The following ITPR1 variants were observed in gnomAD, a reference collection of about 807,000 sequenced individuals.
ITPR1 encodes inositol 1,4,5-trisphosphate-gated calcium channel ITPR1.
A neutral mutation model predicts 318.4 loss-of-function variants in ITPR1; 96 were observed. The ratio of observed to expected loss-of-function variants is 0.30; its 90% confidence interval spans 0.26 to 0.36. The LOEUF is 0.36. Ranked by LOEUF, ITPR1 falls within the 10% of genes least tolerant of loss-of-function variation. ITPR1 has a pLI of 1.00. For synonymous variants in ITPR1, 1,312 were observed against 1,289.9 expected (o/e 1.02, Z -0.37); for missense variants, 2,440 against 3,460.2 (o/e 0.71, Z 7.40).
At chr3:4,691,805 T>G (rs1187844055) in intron 32 of ITPR1, among the ~76,000 whole-genome samples, 1 of 152,234 alleles carries the variant, frequency 6.6e-6, no homozygotes, top group African/African-American at 2.4e-5. Flanking sequence ...TGAATTCACT[T>G]TGATTTACAA....
At chr3:4,548,019 A>G (rs1340580694) in intron 4 of ITPR1, among the ~76,000 whole-genome samples, 3 of 152,182 alleles carry the variant, frequency 2.0e-5, no homozygotes, top group African/African-American at 7.2e-5. Flanking sequence ...CTCATGTTGA[A>G]TTTAATAATC....
At position 4,665,281 on chromosome 3, in the gene ITPR1, C is replaced by A; in HGVS notation, c.1698C>A (p.Asp566Glu). The change falls in exon 17 of 62, where the codon GAC becomes GAA. Residue 566 changes from aspartate (D) to glutamate (E), a missense_variant. This residue lies in a region of ITPR1 where 478 missense variants were observed against 696.3 expected (regional missense o/e 0.69). Coordinates refer to ENST00000649015, the MANE Select transcript of ITPR1 (RefSeq NM_001378452.1). ...GGGTGCTGAGACACTCGCAGCAAGA[C>A]TACAGGAAGAACCAGGTTTGGATTA... ...CYRVLRHSQQ[D>E]YRKNQEYIAK... is the part of the protein sequence containing the mutation. The A allele has an allele frequency of 6.2e-7, 1 of 1,611,382 alleles. No homozygotes were observed. The highest frequency in any genetic ancestry group is 8.5e-7 in the Non-Finnish European group (1 of 1,177,776).
chr3:4,653,918 T>C, intron 12 of ITPR1, 32 bp downstream of exon 12: 1 of 1,522,484 alleles, frequency 6.6e-7, no homozygotes, highest in East Asian at 2.3e-5. Flanking sequence ...CTTGTCTTCA[T>C]CTGGTAGGGT....
In ITPR1 at chr3:4,813,171, C is replaced by G; in HGVS notation, c.7498C>G (p.Leu2500Val). The change falls in exon 57 of 62, where the codon CTG (leucine) becomes GTG (valine). Residue 2500 changes from leucine (L) to valine (V), a missense_variant. Around this residue, in one of 23 missense-constraint regions of ITPR1, gnomAD observed 88 missense variants for 90.5 expected, o/e 0.97. Transcript: ENST00000649015. ...ETGESLASEF[L>V]FSDVCRVESG... ...CGGCGAGAGTTTGGCAAGCGAGTTCCTGTTCTCCGATGTGTGTAGGGTGGA... is the reference window on the plus strand; with the variant it reads ...CGGCGAGAGTTTGGCAAGCGAGTTCGTGTTCTCCGATGTGTGTAGGGTGGA... The G allele has an allele frequency of 6.2e-7, 1 of 1,614,022 alleles. No individual in the cohort carries two copies. Among genetic ancestry groups the G allele is most frequent in the Non-Finnish European group, 8.5e-7 (1 of 1,179,898 alleles).
intron 40 of ITPR1, among the ~76,000 whole-genome samples, chr3:4,720,648 A>G (rs2042081809): frequency 6.6e-6 from 1 of 152,190 alleles, no homozygotes; most frequent in Non-Finnish European, 1.5e-5. Context: ...GGTGCCAGCT[A>G]GCAACTTTGC....
intron 4 of ITPR1, among the ~76,000 whole-genome samples, chr3:4,559,155 G>C (rs1229174668): frequency 1.8e-5 from 2 of 113,838 alleles, no homozygotes; most frequent in Non-Finnish European, 3.6e-5. Context: ...GTGCCCACCT[G>C]AAAAAGTTGT....
rs568824497 is a variant in ITPR1, at chr3:4,734,705, T to C, written c.5354-459T>C. On this transcript the variant is annotated intron_variant, in intron 43 of 61. Coordinates refer to ENST00000649015, the MANE Select transcript of ITPR1 (RefSeq NM_001378452.1). ...GTTGAATGAATAAACAGATAAATTA[T>C]GTAAAAGAGTAAGTTGGGGGTTAGA... 6.6e-5 allele frequency among the ~76,000 whole-genome samples: 10 copies of C among 152,226 alleles called. No individual in the cohort carries two copies. In the South Asian group the frequency reaches 1.4e-3, roughly 22 times the overall value.
intron 4 of ITPR1, among the ~76,000 whole-genome samples, chr3:4,622,649 G>A (rs1382077356): frequency 1.3e-5 from 2 of 152,078 alleles, no homozygotes; most frequent in East Asian, 1.9e-4. Context: ...TCTTGACCTC[G>A]TGATCCTCCT....
intron 5 of ITPR1, among the ~76,000 whole-genome samples, chr3:4,633,267 T>C (rs1391201131): frequency 6.6e-6 from 1 of 152,182 alleles, no homozygotes; most frequent in African/African-American, 2.4e-5. Flanking sequence ...TGTGCTTCAC[T>C]TTCTGCAGTT....
chr3:4,670,671 C>CTAGA lies in ITPR1; in HGVS notation c.2007-56_2007-53dup, dbSNP rs1363250561. On this transcript the variant is annotated intron_variant, in intron 19 of 61. Coordinates refer to ENST00000649015, the MANE Select transcript of ITPR1 (RefSeq NM_001378452.1). Reference sequence around the variant, plus strand: ...ATGTGTCTTTATGCTGAAAGTAAAGCTAGATCTCAAAGTATTTTTAAAAAT... The same window carrying CTAGA: ...ATGTGTCTTTATGCTGAAAGTAAAGCTAGATAGATCTCAAAGTATTTTTAAAAAT... 8 of 1,232,480 alleles carry CTAGA rather than the reference C, an allele frequency of 6.5e-6. No homozygotes were observed. In the Admixed American group the frequency reaches 7.9e-5, roughly 12 times the overall value. The allele number at this position is 1,232,480 out of a possible 1,614,324, so 76.3% of individuals were successfully genotyped here.
chr3:4,534,422 A>G (rs1436604335), intron 4 of ITPR1, among the ~76,000 whole-genome samples: 1 of 152,160 alleles, frequency 6.6e-6, no homozygotes, highest in East Asian at 1.9e-4. Flanking sequence ...ACAGGAGGCA[A>G]AAATTGTGCT....
intron 10 of ITPR1, among the ~76,000 whole-genome samples, chr3:4,650,798 G>A (rs1199014126): frequency 6.6e-6 from 1 of 151,974 alleles, no homozygotes; most frequent in Non-Finnish European, 1.5e-5. Flanking sequence ...ACATGTGCTG[G>A]GTCATTTGAT....
intron 60 of ITPR1, among the ~76,000 whole-genome samples, chr3:4,825,260 G>C (rs576512473): frequency 1.1e-3 from 174 of 152,188 alleles, no homozygotes; most frequent in African/African-American, 3.9e-3. Context: ...TAGTTCACTT[G>C]ACCTCTTCAG....
chr3:4,681,526 GT>G, intron 26 of ITPR1, 108 bp downstream of exon 26: 2 of 783,730 alleles, frequency 2.6e-6, no homozygotes, highest in Non-Finnish European at 2.2e-6. Flanking sequence ...GGCTTAGGTT[GT>G]TTTGGTGCTA....
rs80341823 is a variant in ITPR1, at chr3:4,562,752, G to A, written c.163+41658G>A. On this transcript the variant is annotated intron_variant, in intron 4 of 61. Transcript: ENST00000649015. ...ATTAAAAAAAAAAAAAATCAAGTGC[G>A]TGCAGTGCACTGTGCACCATGCTAA... Among the ~76,000 whole-genome samples, 866 of 150,816 alleles carry A rather than the reference G, an allele frequency of 5.7e-3. 2 individuals carry two copies. The highest frequency in any genetic ancestry group is 0.02 in the African/African-American group (810 of 40,994).
chr3:4,668,086 T>C (rs1044422908), intron 18 of ITPR1, among the ~76,000 whole-genome samples: 6 of 152,166 alleles, frequency 3.9e-5, no homozygotes, highest in Non-Finnish European at 8.8e-5. Context: ...TTCTATTCTT[T>C]TAGTTATTTT....
intron 41 of ITPR1, 123 bp downstream of exon 41, chr3:4,725,704 A>C (rs1175051458): frequency 1.2e-6 from 1 of 812,510 alleles, no homozygotes; most frequent in East Asian, 2.6e-5. Context: ...TGTAGGAGGG[A>C]GGTCTCTAGG....
intron 3 of ITPR1, among the ~76,000 whole-genome samples, chr3:4,519,522 G>A (rs560273240): frequency 2.0e-5 from 3 of 152,284 alleles, no homozygotes; most frequent in South Asian, 4.1e-4. Context: ...ACCATGCCTG[G>A]CCATGGCTTG....
Position 4,761,213 on chromosome 3 carries a change from G to C in ITPR1, c.5545-5317G>C, listed in dbSNP as rs549782110. Among the ~76,000 whole-genome samples, 10 of 152,064 alleles carry C rather than the reference G, an allele frequency of 6.6e-5. No homozygotes were observed. In the South Asian group the frequency reaches 1.9e-3, roughly 28 times the overall value. On this transcript the variant is annotated intron_variant, in intron 44 of 61. Transcript: ENST00000649015. ...GGTATATTGTGCGATGCTGAGGTTT[G>C]GGGGGGTTCACCCAGGTGGTGAACA...
Sources: gnomAD v4.1 joint callset for allele counts (sites outside exome capture counted in the v4.1 genomes callset) on GRCh38, gnomAD v4.1.1 for gene constraint, gnomAD v4.1.1 regional missense constraint, MANE v1.5 for transcripts, NCBI Gene and HGNC (gene_info 2026-07-23, HGNC 2026-07-21) for gene names.